Variants in HMCN2 observed in about 807,000 individuals in gnomAD.
HMCN2 encodes the protein hemicentin 2.
A neutral mutation model predicts 377.5 loss-of-function variants in HMCN2; 325 were observed. That is an observed-to-expected ratio of 0.86 (90% CI 0.79 to 0.94). The LOEUF (loss-of-function observed/expected upper bound fraction) is 0.94, where lower values mean the gene tolerates loss of function less well. Among genes scored for constraint, HMCN2 ranks in the 40% least tolerant of loss-of-function variants. The pLI, the probability that HMCN2 is intolerant of heterozygous loss-of-function variation, is 0.00. For missense variants in HMCN2, 4,543 were observed against 4,725.3 expected (o/e 0.96, Z 1.13); for synonymous variants, 2,007 against 2,046.8 (o/e 0.98, Z 0.53).
chr9:130,411,655 A>G (rs959525034), intron 85 of HMCN2, among the ~76,000 whole-genome samples: 3 of 151,822 alleles, frequency 2.0e-5, no homozygotes, highest in African/African-American at 4.8e-5. Context: ...GACACAGGCT[A>G]CAACATAGAT....
Position 130,406,185 on chromosome 9 carries a change from C to A in HMCN2, c.12553+17C>A. 1 of 1,289,336 alleles carries A rather than the reference C, an allele frequency of 7.8e-7. No homozygotes were observed. The highest frequency in any genetic ancestry group is 1.0e-6 in the Non-Finnish European group (1 of 988,492). The allele number at this position is 1,289,336 out of a possible 1,614,324, so 79.9% of individuals were successfully genotyped here. ...CAGTCACAGGTCTGGGTCTGCTGGG[C>A]ATGGGTGGGACAGAGAGCCAGGACA... On this transcript the variant is annotated intron_variant, in intron 82 of 97. Coordinates refer to ENST00000683500, the MANE Select transcript of HMCN2 (RefSeq NM_001291815.2).
At chr9:130,416,910 A>T (rs565261704) in intron 85 of HMCN2, among the ~76,000 whole-genome samples, 1 of 151,478 alleles carries the variant, frequency 6.6e-6, no homozygotes, top group African/African-American at 2.4e-5. Flanking sequence ...CAAGTGTTTT[A>T]TTTATTTATT....
In HMCN2 at chr9:130,304,802, G is replaced by A. The variant is rs1427281015; in HGVS notation, c.1616G>A (p.Arg539Gln). The A allele has an allele frequency of 8.5e-5, 40 of 471,204 alleles. No individual in the cohort carries two copies. Among genetic ancestry groups the A allele is most frequent in the East Asian group, 3.5e-4 (5 of 14,396 alleles). 29.2% of individuals were successfully genotyped at this position (471,204 alleles called of 1,614,324 possible). The change falls in exon 11 of 98, where the codon CGG (arginine) becomes CAG (glutamine). Residue 539 changes from arginine (R) to glutamine (Q), a missense_variant. Physicochemically the swap from Arg to Gln is conservative, Grantham distance 43. Transcript: ENST00000683500. This position sits in a 1 kb window ranked among gnomAD's most constrained non-coding sequence, Gnocchi z 4.3. Reference sequence around the variant, plus strand: ...GGGGAGACTGCCGTCCTATCCTGCCGGGTCCTAGGCGAGGCCCCCTACAAC... The same window carrying A: ...GGGGAGACTGCCGTCCTATCCTGCCAGGTCCTAGGCGAGGCCCCCTACAAC... ...SPGETAVLSCRVLGEAPYNLT... is the reference protein window; with the variant it reads ...SPGETAVLSCQVLGEAPYNLT...
At chr9:130,398,827 AC>A in intron 75 of HMCN2, 120 bp downstream of exon 75, 1 of 880,882 alleles carries the variant, frequency 1.1e-6, no homozygotes, top group Non-Finnish European at 1.5e-6. Context: ...CGGAGTCAGG[AC>A]CAGAACTTGT....
intron 18 of HMCN2, among the ~76,000 whole-genome samples, chr9:130,321,411 C>A (rs1837844281): frequency 6.6e-6 from 1 of 152,190 alleles, no homozygotes; most frequent in Non-Finnish European, 1.5e-5. Flanking sequence ...TTCCTCAATT[C>A]TTCTGCCTGG....
chr9:130,355,781 C>T lies in HMCN2; in HGVS notation c.5182C>T (p.Gln1728Ter), dbSNP rs1336072202. 2 of 1,303,742 alleles carry T rather than the reference C, an allele frequency of 1.5e-6. No homozygotes were observed. Among genetic ancestry groups the T allele is most frequent in the Non-Finnish European group, 1.0e-6 (1 of 988,934 alleles). The allele number at this position is 1,303,742 out of a possible 1,614,324, so 80.8% of individuals were successfully genotyped here. A position where few individuals can be genotyped will look rare whatever the true frequency, so the allele number is the denominator to read the frequency against. ...PQLLVAEGLG[Q>*]VTTIVGQPLE... ...GCTCCTGGTGGCTGAAGGCTTGGGA[C>T]AGGTGACCACCATCGTGGGACAGCC... Residue 1728 changes from glutamine to a stop codon, truncating the protein, a stop_gained, in exon 33 of 98, where the codon CAG becomes TAG. Coordinates refer to ENST00000683500, the MANE Select transcript of HMCN2 (RefSeq NM_001291815.2). LOFTEE classifies it high-confidence loss of function.
chr9:130,418,532 G>A (rs181652503), intron 85 of HMCN2, among the ~76,000 whole-genome samples: 1 of 152,254 alleles, frequency 6.6e-6, no homozygotes, highest in African/African-American at 2.4e-5. Context: ...GGGGGACAGA[G>A]TGAGACTCCA....
In HMCN2 at chr9:130,395,243, C is replaced by T. The variant is rs960832316; in HGVS notation, c.10807C>T (p.Arg3603Cys). 40 of 1,289,276 alleles carry T rather than the reference C, an allele frequency of 3.1e-5. No individual in the cohort carries two copies. The Admixed American group carries it at 7.6e-4, about 24-fold the overall frequency. 79.9% of individuals were successfully genotyped at this position (1,289,276 alleles called of 1,614,324 possible). ...AAACATTGTTGGGCCCCGAGGCCCCCGCTTTGTGGTCGGCCTGGCCCCAGG... is the reference window on the plus strand; with the variant it reads ...AAACATTGTTGGGCCCCGAGGCCCCTGCTTTGTGGTCGGCCTGGCCCCAGG... ...PPNIVGPRGP[R>C]FVVGLAPGQL... Residue 3603 changes from arginine to cysteine, a missense_variant, in exon 71 of 98, where the codon CGC becomes TGC. By Grantham distance (180) the Arg-to-Cys change is radical. Transcript: ENST00000683500.
intron 95 of HMCN2, 72 bp from the exon 96 acceptor site, chr9:130,431,295 C>T (rs1405669914): frequency 4.1e-6 from 6 of 1,450,000 alleles, no homozygotes; most frequent in Middle Eastern, 2.4e-4. Context: ...TGTGTGGCCA[C>T]GTTGGTGTCT....
At chr9:130,410,737 A>C in intron 85 of HMCN2, 85 bp downstream of exon 85, 1 of 1,125,692 alleles carries the variant, frequency 8.9e-7, no homozygotes, top group African/African-American at 1.5e-5. Context: ...GGCAGACGGC[A>C]GGGCTGGGAC....
chr9:130,294,744 G>T, intron 4 of HMCN2, 111 bp from the exon 5 acceptor site: 1 of 343,530 alleles, frequency 2.9e-6, no homozygotes. Context: ...GGACATGGAG[G>T]AGTGGGGTGG....
chr9:130,395,750 A>G (rs1842576139), intron 71 of HMCN2, among the ~76,000 whole-genome samples, 174 bp from the exon 72 acceptor site: 3 of 152,108 alleles, frequency 2.0e-5, no homozygotes, highest in South Asian at 4.1e-4. Flanking sequence ...CTCCCAGAGG[A>G]GTGCATTTCC....
At chr9:130,330,716 T>C (rs927720308) in intron 22 of HMCN2, among the ~76,000 whole-genome samples, 4 of 152,126 alleles carry the variant, frequency 2.6e-5, no homozygotes, top group African/African-American at 4.8e-5. Flanking sequence ...CTTATCCTTG[T>C]AGGGGCTGTT....
chr9:130,280,880 C>CGG (rs1224749385), intron 1 of HMCN2, among the ~76,000 whole-genome samples: 1 of 151,862 alleles, frequency 6.6e-6, no homozygotes, highest in Non-Finnish European at 1.5e-5. Flanking sequence ...CCAATGCAGG[C>CGG]GGATCATGAG....
chr9:130,275,714 T>C (rs1030353944), intron 1 of HMCN2, among the ~76,000 whole-genome samples: 1 of 152,066 alleles, frequency 6.6e-6, no homozygotes, highest in Non-Finnish European at 1.5e-5. Flanking sequence ...CTTCCCAAAG[T>C]GCTGGGATTA....
In HMCN2 at chr9:130,379,377, T is replaced by C; in HGVS notation, c.8341T>C (p.Cys2781Arg). ...IVENNPAYLY[C>R]DTNAIPPPDL... ...GGAGAACAACCCAGCCTACCTGTACTGCGACACCAACGCGATCCCACCCCC... is the reference window on the plus strand; with the variant it reads ...GGAGAACAACCCAGCCTACCTGTACCGCGACACCAACGCGATCCCACCCCC... The change falls in exon 54 of 98, where the codon TGC (cysteine) becomes CGC (arginine). Residue 2781 changes from cysteine (C) to arginine (R), a missense_variant. By Grantham distance (180) the Cys-to-Arg change is radical. Around this residue, in one of 5 missense-constraint regions of HMCN2, gnomAD observed 736 missense variants for 773.2 expected, o/e 0.95. Transcript: ENST00000683500. 1.0e-6 allele frequency: 1 copy of C among 985,800 alleles called. No individual in the cohort carries two copies. The highest frequency in any genetic ancestry group is 1.2e-6 in the Non-Finnish European group (1 of 829,938). The allele number at this position is 985,800 out of a possible 1,614,324, so 61.1% of individuals were successfully genotyped here. A position where few individuals can be genotyped will look rare whatever the true frequency, so the allele number is the denominator to read the frequency against.
At chr9:130,365,105 C>T (rs983310159) in intron 41 of HMCN2, among the ~76,000 whole-genome samples, 5 of 152,204 alleles carry the variant, frequency 3.3e-5, no homozygotes, top group Admixed American at 1.3e-4. Context: ...CCTGTCTGCT[C>T]CTCCTCCCAC....
At chr9:130,359,491 ACT>A (rs1194166132) in intron 37 of HMCN2, 77 bp downstream of exon 37, 3 of 674,384 alleles carry the variant, frequency 4.4e-6, no homozygotes, top group East Asian at 7.4e-5. Context: ...TGACCCAGGG[ACT>A]CTCTGATTGG....
chr9:130,301,910 CTG>C (rs1265339349), intron 8 of HMCN2, among the ~76,000 whole-genome samples: 1 of 152,234 alleles, frequency 6.6e-6, no homozygotes, highest in African/African-American at 2.4e-5. Context: ...AGGGAAGAGA[CTG>C]TGTCACTCCA....
Sources: allele counts gnomAD v4.1 joint callset (sites outside exome capture counted in the v4.1 genomes callset), GRCh38; gene constraint gnomAD v4.1.1; regional missense constraint gnomAD v4.1.1; non-coding constraint Gnocchi (gnomAD v3.1); transcripts MANE v1.5; gene names NCBI Gene and HGNC (gene_info 2026-07-23, HGNC 2026-07-21).